PTPRT: variants seen among roughly 807,000 people sequenced by gnomAD.
PTPRT encodes the protein receptor-type tyrosine-protein phosphatase T.
In PTPRT, 56 loss-of-function variants were observed where a neutral mutation model predicts 176.8. The ratio of observed to expected loss-of-function variants is 0.32; its 90% CI spans 0.26 to 0.40. The LOEUF (loss-of-function observed/expected upper bound fraction) is 0.40, where lower values mean the gene tolerates loss of function less well. Ranked by LOEUF, PTPRT falls within the 10% of genes least tolerant of loss-of-function variation. The probability of loss-of-function intolerance (pLI) is 1.00; values close to 1 mark genes in which losing one functional copy is unlikely to be tolerated. For missense variants in PTPRT, 1,540 were observed against 1,908.2 expected (o/e 0.81, Z 3.60); for synonymous variants, 783 against 739.0 (o/e 1.06, Z -0.96).
intron 6 of PTPRT, among the ~76,000 whole-genome samples, chr20:42,724,688 T>C (rs1158482564): frequency 6.6e-6 from 1 of 152,138 alleles, no homozygotes; most frequent in East Asian, 1.9e-4. Flanking sequence ...ATCCCAACAC[T>C]TTGGGAGGCC....
At chr20:42,428,472 TTGGTA>T (rs1428855355) in intron 9 of PTPRT, among the ~76,000 whole-genome samples, 1 of 152,210 alleles carries the variant, frequency 6.6e-6, no homozygotes. Context: ...CAAAATTGAC[TTGGTA>T]TGGGAAACTT....
intron 6 of PTPRT, chr20:42,688,320 C>T (rs1008533792): frequency 6.6e-6 from 1 of 152,264 alleles, no homozygotes; most frequent in African/African-American, 2.4e-5. Flanking sequence ...AGGCCATGCC[C>T]CTTACAGCTG....
intron 26 of PTPRT, among the ~76,000 whole-genome samples, chr20:42,100,268 C>T (rs1221480361): frequency 1.3e-5 from 2 of 152,200 alleles, no homozygotes; most frequent in East Asian, 1.9e-4. Flanking sequence ...GATCCGTGCT[C>T]CTGCCGGGTT....
intron 7 of PTPRT, among the ~76,000 whole-genome samples, chr20:42,650,679 G>A (rs1249090458): frequency 6.6e-6 from 1 of 152,090 alleles, no homozygotes. Flanking sequence ...GCTCTGCAGG[G>A]ACAATAAAGC....
chr20:42,647,504 G>A (rs1426451555), intron 7 of PTPRT, among the ~76,000 whole-genome samples: 2 of 152,176 alleles, frequency 1.3e-5, no homozygotes, highest in East Asian at 1.9e-4. Context: ...CACTTTACCC[G>A]GAAGTCCAGC....
At chr20:42,176,309 A>G (rs1417189507) in intron 16 of PTPRT, among the ~76,000 whole-genome samples, 1 of 152,138 alleles carries the variant, frequency 6.6e-6, no homozygotes, top group Non-Finnish European at 1.5e-5. Context: ...TTCCTGCCTC[A>G]GTTCCATTTG....
chr20:42,197,617 G>C (rs1202313898), intron 16 of PTPRT, among the ~76,000 whole-genome samples: 1 of 151,870 alleles, frequency 6.6e-6, no homozygotes, highest in Non-Finnish European at 1.5e-5. Context: ...CTTTATTGTG[G>C]TTATGTTGAA....
chr20:42,608,359 T>G (rs955586834), intron 7 of PTPRT, among the ~76,000 whole-genome samples: 1 of 152,154 alleles, frequency 6.6e-6, no homozygotes, highest in Admixed American at 6.5e-5. Context: ...CAGAACGTGA[T>G]GTAAATACCC....
chr20:42,637,303 T>C (rs1243173502), intron 7 of PTPRT, among the ~76,000 whole-genome samples: 1 of 152,200 alleles, frequency 6.6e-6, no homozygotes, highest in Non-Finnish European at 1.5e-5. Flanking sequence ...TCCAAAGTCC[T>C]AACCATTGCC....
At chr20:42,216,639 A>G (rs1487277355) in intron 15 of PTPRT, among the ~76,000 whole-genome samples, 1 of 152,168 alleles carries the variant, frequency 6.6e-6, no homozygotes, top group Non-Finnish European at 1.5e-5. Flanking sequence ...CAATGTTGTA[A>G]AAGCTTTAAA....
At chr20:42,897,490 C>G (rs1372445436) in intron 1 of PTPRT, among the ~76,000 whole-genome samples, 1 of 152,190 alleles carries the variant, frequency 6.6e-6, no homozygotes, top group Non-Finnish European at 1.5e-5. Context: ...CAGCACAGTA[C>G]AGTGGGAAAA....
At chr20:43,083,318 A>ACG in intron 1 of PTPRT, among the ~76,000 whole-genome samples, 1 of 78,562 alleles carries the variant, frequency 1.3e-5, no homozygotes, top group African/African-American at 6.8e-5. Flanking sequence ...CCCACTTCAA[A>ACG]TGTATATATA....
intron 9 of PTPRT, among the ~76,000 whole-genome samples, chr20:42,408,645 A>G (rs981554272): frequency 6.6e-6 from 1 of 151,808 alleles, no homozygotes; most frequent in South Asian, 2.1e-4. Flanking sequence ...TATATTGGCT[A>G]TACATGGGTG....
chr20:42,519,825 GTT>G (rs914446179), intron 7 of PTPRT, among the ~76,000 whole-genome samples: 1 of 151,838 alleles, frequency 6.6e-6, no homozygotes, highest in Non-Finnish European at 1.5e-5. Flanking sequence ...TATATGCTTG[GTT>G]TACAAATTAC....
rs114509230 is a variant in PTPRT at position 42,346,984 on chromosome 20, C to G, written c.1865+3644G>C. ...CCGTAGCACCCCCACAAAAGGGCCA[C>G]CCGGTCATCACGTGACATACCAGGC... On this transcript the variant is annotated intron_variant, in intron 11 of 30. Coordinates refer to ENST00000373187, the MANE Select transcript of PTPRT (RefSeq NM_007050.6). 2.3e-3 allele frequency among the ~76,000 whole-genome samples: 344 copies of G among 152,256 alleles called. 1 individual carries two copies. The highest frequency in any genetic ancestry group is 7.8e-3 in the African/African-American group (325 of 41,558).
chr20:42,436,995 C>T (rs2059267729), intron 9 of PTPRT, among the ~76,000 whole-genome samples: 1 of 152,054 alleles, frequency 6.6e-6, no homozygotes, highest in Admixed American at 6.6e-5. Context: ...AAGGAATTCA[C>T]ACAAGTAGCA....
intron 2 of PTPRT, among the ~76,000 whole-genome samples, chr20:42,798,380 G>A (rs1046944011): frequency 6.6e-6 from 1 of 152,172 alleles, no homozygotes; most frequent in Non-Finnish European, 1.5e-5. Context: ...GCACTTTCAA[G>A]TAAGAAAATG....
At chr20:42,064,848 C>A in the PTPRT span, among the ~76,000 whole-genome samples, 1 of 152,170 alleles carries the variant, frequency 6.6e-6, no homozygotes, top group South Asian at 2.1e-4. Flanking sequence ...TCCTTTGTAA[C>A]CTGTAGAATC....
intron 7 of PTPRT, among the ~76,000 whole-genome samples, chr20:42,518,448 A>G (rs555747044): frequency 6.6e-6 from 1 of 151,998 alleles, no homozygotes; most frequent in African/African-American, 2.4e-5. Flanking sequence ...GATTTCTTTC[A>G]TGGTCACAGT....
Sources: gnomAD v4.1 joint callset for allele counts (sites outside exome capture counted in the v4.1 genomes callset) on GRCh38, gnomAD v4.1.1 for gene constraint, MANE v1.5 for transcripts, NCBI Gene and HGNC (gene_info 2026-07-23, HGNC 2026-07-21) for gene names.